Variants in SPEN observed in about 807,000 individuals in gnomAD.
SPEN encodes the protein msx2-interacting protein.
SPEN carries 18 observed loss-of-function variants against 269.9 expected under a neutral mutation model. The observed-to-expected ratio is 0.07, with a 90% CI of 0.05 to 0.10. The LOEUF (loss-of-function observed/expected upper bound fraction) is 0.10, where lower values mean the gene tolerates loss of function less well. SPEN is among the 10% of genes least tolerant of loss of function. The probability of loss-of-function intolerance (pLI) is 1.00; values close to 1 mark genes in which losing one functional copy is unlikely to be tolerated. For synonymous variants in SPEN, 1,726 were observed against 1,765.7 expected (o/e 0.98, Z 0.56); for missense variants, 3,822 against 4,631.2 (o/e 0.83, Z 5.07).
chr1:15,939,028 G>A lies in SPEN; in HGVS notation c.10863+152G>A. 9.1e-7 allele frequency: 1 copy of A among 1,099,212 alleles called. No homozygotes were observed. Among genetic ancestry groups the A allele is most frequent in the South Asian group, 1.6e-5 (1 of 63,916 alleles). The allele number at this position is 1,099,212 out of a possible 1,614,324, so 68.1% of individuals were successfully genotyped here. Reference sequence around the variant, plus strand: ...GAAGTCAGTAGAGCACATGGGGCGGGGCGCCATCACCCATCCTGAAGAGAA... The same window carrying A: ...GAAGTCAGTAGAGCACATGGGGCGGAGCGCCATCACCCATCCTGAAGAGAA... On this transcript the variant is annotated intron_variant, in intron 14 of 14. Transcript: ENST00000375759. This position sits in a 1 kb window ranked among gnomAD's most constrained non-coding sequence, Gnocchi z 4.1.
chr1:15,926,388 C>G (rs1324002173), intron 10 of SPEN, among the ~76,000 whole-genome samples: 3 of 149,040 alleles, frequency 2.0e-5, no homozygotes, highest in Admixed American at 2.0e-4. Flanking sequence ...TATACATACA[C>G]ACACACACAC....
In SPEN at chr1:15,931,125, T is replaced by G. The variant is rs1334618966; in HGVS notation, c.4885T>G (p.Ser1629Ala). 3 of 1,614,088 alleles carry G rather than the reference T, an allele frequency of 1.9e-6. No individual in the cohort carries two copies. Among genetic ancestry groups the G allele is most frequent in the South Asian group, 1.1e-5 (1 of 91,066 alleles). ...AGAATCTGCTCCTGAGAATAAAGAT[T>G]CAGAACTGAAAACTCCACCTTCCGT... ...TPESAPENKD[S>A]ELKTPPSVGP... Residue 1629 changes from serine (S) to alanine (A), a missense_variant, in exon 11 of 15, where the codon TCA (serine) becomes GCA (alanine). Physicochemically the swap from Ser to Ala is moderately conservative, Grantham distance 99. Around this residue, in one of 16 missense-constraint regions of SPEN, gnomAD observed 533 missense variants for 618.8 expected, o/e 0.86. Transcript: ENST00000375759. This position sits in a 1 kb window ranked among gnomAD's most constrained non-coding sequence, Gnocchi z 4.8.
chr1:15,855,692 T>G (rs1029225086), intron 1 of SPEN, among the ~76,000 whole-genome samples: 1 of 151,880 alleles, frequency 6.6e-6, no homozygotes, highest in African/African-American at 2.4e-5. Flanking sequence ...TGAAACCCTA[T>G]CTCTACTAAA....
At position 15,936,273 on chromosome 1, in the gene SPEN, C is replaced by T; in HGVS notation, c.10026+7C>T. On this transcript the variant is annotated splice_region_variant and intron_variant, in intron 11 of 14. Coordinates refer to ENST00000375759, the MANE Select transcript of SPEN (RefSeq NM_015001.3). ...GACCAAGACAGCTGCTCAGGTGAGC[C>T]AGCCAGGTATCTCCCCACTGTCTGT... is the stretch of plus-strand genomic sequence containing the variant. The T allele has an allele frequency of 1.3e-6, 2 of 1,530,194 alleles. No homozygotes were observed. Among genetic ancestry groups the T allele is most frequent in the East Asian group, 4.6e-5 (2 of 43,804 alleles). 94.8% of individuals were successfully genotyped at this position (1,530,194 alleles called of 1,614,324 possible).
chr1:15,875,046 C>T (rs1437667701), intron 2 of SPEN, among the ~76,000 whole-genome samples: 1 of 151,868 alleles, frequency 6.6e-6, no homozygotes, highest in African/African-American at 2.4e-5. Flanking sequence ...TTCCTTAATC[C>T]CTTTTGATAG....
intron 3 of SPEN, among the ~76,000 whole-genome samples, chr1:15,888,383 G>T (rs546672150): frequency 2.6e-5 from 4 of 151,930 alleles, no homozygotes; most frequent in Middle Eastern, 3.4e-3. Context: ...AAGTGCAGTA[G>T]CATGATCTCG....
At chr1:15,862,483 CTG>C (rs766857436) in intron 1 of SPEN, among the ~76,000 whole-genome samples, 3 of 151,904 alleles carry the variant, frequency 2.0e-5, no homozygotes, top group Non-Finnish European at 4.4e-5. Flanking sequence ...AGGAAGCACA[CTG>C]TGAATTTTTT....
intron 3 of SPEN, among the ~76,000 whole-genome samples, chr1:15,907,298 A>C (rs935751640): frequency 2.0e-5 from 3 of 152,092 alleles, no homozygotes; most frequent in Admixed American, 6.6e-5. Context: ...CCTGGGCAAC[A>C]TGGTGAAACC....
Position 15,932,044 on chromosome 1 carries a change from A to T in SPEN, c.5804A>T (p.Glu1935Val). The T allele has an allele frequency of 6.2e-7, 1 of 1,614,228 alleles. No homozygotes were observed. The highest frequency in any genetic ancestry group is 8.5e-7 in the Non-Finnish European group (1 of 1,180,048). ...CCAAGAGTGACCAGAAAGAGATTGG[A>T]GCGAGAGCTTCAGGAGGCTGCAGCG... ...EQPRVTRKRLERELQEAAAVP... is the reference protein window; with the variant it reads ...EQPRVTRKRLVRELQEAAAVP... Residue 1935 changes from glutamate (E) to valine (V), a missense_variant, in exon 11 of 15, where the codon GAG becomes GTG. Glu to Val is a moderately radical substitution (Grantham distance 121, BLOSUM62 -2). Transcript: ENST00000375759. This position sits in a 1 kb window ranked among gnomAD's most constrained non-coding sequence, Gnocchi z 4.2.
intron 4 of SPEN, among the ~76,000 whole-genome samples, chr1:15,909,979 C>T (rs947649287): frequency 2.6e-5 from 4 of 151,674 alleles, no homozygotes; most frequent in African/African-American, 7.3e-5. Context: ...CAAAAATTAG[C>T]TGGGCGTGGT....
Position 15,939,481 on chromosome 1 carries a change from CA to C in SPEN, c.*57del. The C allele has an allele frequency of 6.7e-7, 1 of 1,481,652 alleles. No homozygotes were observed. Among genetic ancestry groups the C allele is most frequent in the Non-Finnish European group, 9.0e-7 (1 of 1,110,016 alleles). The allele number at this position is 1,481,652 out of a possible 1,614,324, so 91.8% of individuals were successfully genotyped here. A position where few individuals can be genotyped will look rare whatever the true frequency, so the allele number is the denominator to read the frequency against. On this transcript the variant is annotated 3_prime_UTR_variant, in exon 15 of 15. Coordinates refer to ENST00000375759, the MANE Select transcript of SPEN (RefSeq NM_015001.3). This position sits in a 1 kb window ranked among gnomAD's most constrained non-coding sequence, Gnocchi z 4.1. The stretch of plus-strand genomic sequence containing the variant: ...TCTTCCCAGGGCTCTGCAGTAAAAA[CA>C]AAGGACAACCCAGCCAAGCAGAGGA...
At chr1:15,851,189 G>T (rs765574941) in intron 1 of SPEN, among the ~76,000 whole-genome samples, 13 of 152,150 alleles carry the variant, frequency 8.5e-5, no homozygotes, top group Non-Finnish European at 1.8e-4. Context: ...AGTAGATTGA[G>T]GGGTGGATGG....
rs1427045214 is a variant in SPEN, at chr1:15,872,804, T to C, written c.84-12T>C. 2.7e-6 allele frequency: 4 copies of C among 1,482,200 alleles called. No individual in the cohort carries two copies. The highest frequency in any genetic ancestry group is 2.3e-5 in the Admixed American group (1 of 43,510). The allele number at this position is 1,482,200 out of a possible 1,614,324, so 91.8% of individuals were successfully genotyped here. On this transcript the variant is annotated splice_polypyrimidine_tract_variant and intron_variant, in intron 1 of 14. Transcript: ENST00000375759. ...TGATATGCAGCAATAACGTTGACTT[T>C]ATTTTTTCCAGATATGGCCGCGTGG...
chr1:15,857,593 GT>G (rs1473473413), intron 1 of SPEN, among the ~76,000 whole-genome samples: 1 of 152,078 alleles, frequency 6.6e-6, no homozygotes, highest in Non-Finnish European at 1.5e-5. Flanking sequence ...CTGACCTCAA[GT>G]GATCTGCCTG....
chr1:15,849,914 C>A (rs1473255372), intron 1 of SPEN, among the ~76,000 whole-genome samples: 1 of 152,182 alleles, frequency 6.6e-6, no homozygotes, highest in Non-Finnish European at 1.5e-5. Flanking sequence ...CAAGCACGTG[C>A]ATTGCAGCAT....
chr1:15,933,448 G>A lies in SPEN; in HGVS notation c.7208G>A (p.Ser2403Asn), dbSNP rs1438082317. ...TPPQSCTSDL[S>N]KIPSTENSSQ... ...CCTCAGTCATGTACTTCTGACCTAA[G>A]CAAGATTCCCTCCACAGAGAATTCG... The change falls in exon 11 of 15, where the codon AGC becomes AAC. Residue 2403 changes from serine to asparagine, a missense_variant. Ser to Asn is a conservative substitution (Grantham distance 46). Transcript: ENST00000375759. The surrounding 1 kb of genome is among the most constrained non-coding windows in gnomAD (Gnocchi z 5.7). 2 of 1,614,132 alleles carry A rather than the reference G, an allele frequency of 1.2e-6. No homozygotes were observed. The highest frequency in any genetic ancestry group is 2.2e-5 in the South Asian group (2 of 91,080).
Position 15,934,590 on chromosome 1 carries a change from C to T in SPEN, c.8350C>T (p.Arg2784Trp), listed in dbSNP as rs146051974. Residue 2784 changes from arginine (R) to tryptophan (W), a missense_variant, in exon 11 of 15, where the codon CGG becomes TGG. Physicochemically the swap from Arg to Trp is moderately radical, Grantham distance 101. Coordinates refer to ENST00000375759, the MANE Select transcript of SPEN (RefSeq NM_015001.3). This position sits in a 1 kb window ranked among gnomAD's most constrained non-coding sequence, Gnocchi z 9.2. ...GAGAGCGAGTGCTAATGAAAACAGT[C>T]GGTTCCACCCAGGGTCCATGCCTGT... ...KQRASANENS[R>W]FHPGSMPVID... The T allele has an allele frequency of 6.2e-6, 10 of 1,614,098 alleles. No homozygotes were observed. The African/African-American group carries it at 6.7e-5, about 11-fold the overall frequency.
At chr1:15,866,459 T>G (rs907463253) in intron 1 of SPEN, among the ~76,000 whole-genome samples, 4 of 152,152 alleles carry the variant, frequency 2.6e-5, no homozygotes, top group Non-Finnish European at 5.9e-5. Flanking sequence ...GTTCACGCCA[T>G]TCTCCTGCCT....
chr1:15,938,564 GCTT>G (rs2071302844), intron 13 of SPEN, 151 bp from the exon 14 acceptor site: 2 of 527,430 alleles, frequency 3.8e-6, no homozygotes, highest in Non-Finnish European at 3.0e-6. Flanking sequence ...TTGAAAAAAA[GCTT>G]TTTTTTTTTT....
Sources: gnomAD v4.1 joint callset for allele counts (sites outside exome capture counted in the v4.1 genomes callset) on GRCh38, gnomAD v4.1.1 for gene constraint, gnomAD v4.1.1 regional missense constraint, Gnocchi (gnomAD v3.1) non-coding constraint, MANE v1.5 for transcripts, NCBI Gene and HGNC (gene_info 2026-07-23, HGNC 2026-07-21) for gene names.